Variants in NSUN6 observed in about 807,000 individuals in gnomAD.
NSUN6 encodes NOP2/Sun RNA methyltransferase 6.
A neutral mutation model predicts 58.0 loss-of-function variants in NSUN6; 64 were observed. The ratio of observed to expected loss-of-function variants is 1.10; its 90% CI spans 0.90 to 1.36. The LOEUF is 1.36. NSUN6 is among the 40% of genes most tolerant of loss of function. NSUN6 has a pLI of 0.00. For missense variants in NSUN6, 701 were observed against 550.1 expected, an observed-to-expected ratio of 1.27 and a Z score of -2.74; for synonymous variants, 231 against 193.9, an observed-to-expected ratio of 1.19 and a Z score of -1.59.
intron 3 of NSUN6, among the ~76,000 whole-genome samples, chr10:18,628,417 G>A (rs191906852): frequency 6.6e-6 from 1 of 152,192 alleles, no homozygotes; most frequent in Non-Finnish European, 1.5e-5. Context: ...ATGACTTTGA[G>A]GAGCTGAGAG....
intron 8 of NSUN6, among the ~76,000 whole-genome samples, chr10:18,571,604 C>T: frequency 7.3e-6 from 1 of 137,490 alleles, no homozygotes; most frequent in African/African-American, 2.5e-5. Flanking sequence ...ATTCTCTATT[C>T]CATTCCATTC....
chr10:18,638,791 C>T (rs747749941), intron 3 of NSUN6, among the ~76,000 whole-genome samples: 5 of 151,824 alleles, frequency 3.3e-5, no homozygotes, highest in African/African-American at 4.8e-5. Context: ...AGGGAAAGGG[C>T]AGGGGGTGCG....
At chr10:18,643,568 C>T (rs566863857) in intron 2 of NSUN6, among the ~76,000 whole-genome samples, 51 of 152,266 alleles carry the variant, frequency 3.3e-4, no homozygotes, top group African/African-American at 1.2e-3. Context: ...TTCATATCTA[C>T]CAAGTCACCA....
chr10:18,608,822 C>T (rs193039388), intron 6 of NSUN6, among the ~76,000 whole-genome samples: 6 of 151,958 alleles, frequency 3.9e-5, no homozygotes, highest in Non-Finnish European at 7.4e-5. Context: ...TAAACAAGCA[C>T]AAAAAAACTC....
At chr10:18,646,701 G>A (rs995921859) in intron 2 of NSUN6, among the ~76,000 whole-genome samples, 3 of 152,072 alleles carry the variant, frequency 2.0e-5, no homozygotes, top group African/African-American at 4.8e-5. Context: ...AAATGTAGCA[G>A]GCGTCTGTAG....
intron 3 of NSUN6, among the ~76,000 whole-genome samples, chr10:18,639,780 CT>C (rs1457347313): frequency 6.6e-6 from 1 of 152,090 alleles, no homozygotes; most frequent in Non-Finnish European, 1.5e-5. Flanking sequence ...TTTTAGAGAC[CT>C]AAAATAGCCA....
chr10:18,639,441 C>A (rs541548303), intron 3 of NSUN6, among the ~76,000 whole-genome samples: 1 of 152,174 alleles, frequency 6.6e-6, no homozygotes, highest in Admixed American at 6.5e-5. Context: ...TTGCAGTGAA[C>A]CAAGGTCACA....
intron 3 of NSUN6, among the ~76,000 whole-genome samples, chr10:18,618,631 G>C (rs1052634604): frequency 2.7e-5 from 4 of 147,482 alleles, no homozygotes; most frequent in Admixed American, 6.9e-5. Context: ...GCAGTGAGCC[G>C]AGATGGTGCC....
intron 3 of NSUN6, among the ~76,000 whole-genome samples, chr10:18,622,279 A>G (rs924505834): frequency 6.6e-6 from 1 of 152,190 alleles, no homozygotes; most frequent in Non-Finnish European, 1.5e-5. Context: ...TGAGAATACA[A>G]TGAGAAGTCA....
At chr10:18,624,647 CAAAA>C (rs10671283) in intron 3 of NSUN6, among the ~76,000 whole-genome samples, 2 of 77,072 alleles carry the variant, frequency 2.6e-5, no homozygotes, top group Non-Finnish European at 4.7e-5. Flanking sequence ...GACTCTGTCT[CAAAA>C]AAAAAAAAAA....
At chr10:18,547,974 A>C (rs2054383775) in intron 10 of NSUN6, 138 bp downstream of exon 10, 3 of 828,980 alleles carry the variant, frequency 3.6e-6, no homozygotes, top group East Asian at 5.4e-5. Flanking sequence ...AAGTGGATTT[A>C]ATTAGATAAG....
chr10:18,606,615 G>T (rs5022622), intron 6 of NSUN6, among the ~76,000 whole-genome samples: 38,595 of 152,074 alleles, frequency 0.25, 5,655 homozygotes, highest in East Asian at 0.74. Flanking sequence ...TACCATGGTA[G>T]TATATTACCC....
At chr10:18,594,992 C>CT (rs2057529870) in intron 7 of NSUN6, among the ~76,000 whole-genome samples, 1 of 152,212 alleles carries the variant, frequency 6.6e-6, no homozygotes, top group African/African-American at 2.4e-5. Flanking sequence ...CCCCCAACTA[C>CT]TGCCCTCTGC....
rs1479070430 is a variant in NSUN6, at chr10:18,651,496, G to GA, written c.-294dup. The GA allele has an allele frequency of 1.7e-5, 19 of 1,088,536 alleles. No homozygotes were observed. In the East Asian group the frequency reaches 3.5e-4, roughly 20 times the overall value. The allele number at this position is 1,088,536 out of a possible 1,614,324, so 67.4% of individuals were successfully genotyped here. On this transcript the variant is annotated 5_prime_UTR_variant, in exon 1 of 11. Transcript: ENST00000377304. The stretch of plus-strand genomic sequence containing the variant: ...CTCACGTTGCAAAGAACCAAAAAAA[G>GA]AAAAAAATGCTTAGTAACTGAATCC...
intron 2 of NSUN6, among the ~76,000 whole-genome samples, 167 bp from the exon 3 acceptor site, chr10:18,642,722 CAAT>C (rs1427369562): frequency 2.0e-5 from 3 of 152,114 alleles, no homozygotes; most frequent in African/African-American, 4.8e-5. Context: ...CTCAAAACAA[CAAT>C]GTTTTCTCTA....
intron 6 of NSUN6, among the ~76,000 whole-genome samples, chr10:18,608,779 A>C (rs1222714471): frequency 6.6e-6 from 1 of 152,204 alleles, no homozygotes; most frequent in African/African-American, 2.4e-5. Flanking sequence ...ACGTTGCCAA[A>C]TGAACACAAG....
At chr10:18,616,368 G>C (rs2058410452) in intron 3 of NSUN6, 75 bp from the exon 4 acceptor site, 1 of 821,962 alleles carries the variant, frequency 1.2e-6, no homozygotes, top group East Asian at 2.5e-5. Flanking sequence ...TGTTCTATCT[G>C]AACTCTAATG....
At chr10:18,648,887 G>A (rs2059625919) in intron 1 of NSUN6, among the ~76,000 whole-genome samples, 1 of 152,126 alleles carries the variant, frequency 6.6e-6, no homozygotes, top group Non-Finnish European at 1.5e-5. Context: ...GAAAAACATT[G>A]CCTAAACTTC....
chr10:18,625,976 G>C (rs191706547), intron 3 of NSUN6, among the ~76,000 whole-genome samples: 2 of 152,006 alleles, frequency 1.3e-5, no homozygotes, highest in East Asian at 1.9e-4. Context: ...GAAACGACCA[G>C]ACTCAGCCAA....
Sources: gnomAD v4.1 joint callset for allele counts (sites outside exome capture counted in the v4.1 genomes callset) on GRCh38, gnomAD v4.1.1 for gene constraint, MANE v1.5 for transcripts, NCBI Gene and HGNC (gene_info 2026-07-23, HGNC 2026-07-21) for gene names.